Variants in DTNBP1 observed in about 807,000 individuals in gnomAD.
The protein encoded by DTNBP1 is dysbindin.
A neutral mutation model predicts 42.8 loss-of-function variants in DTNBP1; 35 were observed. The observed-to-expected ratio is 0.82, with a 90% CI of 0.63 to 1.09. The LOEUF (loss-of-function observed/expected upper bound fraction) is 1.09. Among genes scored for constraint, DTNBP1 ranks in the 50% least tolerant of loss-of-function variants. The probability of loss-of-function intolerance (pLI) is 0.00; values close to 1 mark genes in which losing one functional copy is unlikely to be tolerated. For missense variants in DTNBP1, 457 were observed against 424.2 expected (o/e 1.08, Z -0.68); for synonymous variants, 171 against 162.2 (o/e 1.05, Z -0.41).
chr6:15,524,976 T>C (rs1225209720), intron 8 of DTNBP1, among the ~76,000 whole-genome samples: 1 of 152,226 alleles, frequency 6.6e-6, no homozygotes, highest in African/African-American at 2.4e-5. Context: ...TCAGCCTGTC[T>C]CAAAGAGGCC....
intron 6 of DTNBP1, among the ~76,000 whole-genome samples, chr6:15,595,467 A>T (rs1193161272): frequency 6.6e-6 from 1 of 151,842 alleles, no homozygotes; most frequent in Non-Finnish European, 1.5e-5. Context: ...GGGTTTCACC[A>T]TGTTGGCCAG....
At chr6:15,661,766 T>A (rs955306512) in intron 1 of DTNBP1, among the ~76,000 whole-genome samples, 1 of 152,210 alleles carries the variant, frequency 6.6e-6, no homozygotes, top group East Asian at 1.9e-4. Context: ...CAAAGACAGA[T>A]CTTTTTCACT....
At position 15,533,662 on chromosome 6, in the gene DTNBP1, C is replaced by T. The variant is rs2127798419; in HGVS notation, c.512-267G>A. 6.7e-6 allele frequency: 4 copies of T among 596,980 alleles called. No individual in the cohort carries two copies. The East Asian group carries it at 1.5e-4, about 22-fold the overall frequency. 37.0% of individuals were successfully genotyped at this position (596,980 alleles called of 1,614,324 possible). ...TTTGCTGGAACGACCTTCCCACCCG[C>T]ATCGCCCATTCATCAGTCACAAACA... On this transcript the variant is annotated intron_variant, in intron 7 of 9. Coordinates refer to ENST00000344537, the MANE Select transcript of DTNBP1 (RefSeq NM_032122.5).
In DTNBP1 at chr6:15,531,522, A is replaced by G. The variant is rs745677510; in HGVS notation, c.667+1718T>C. On this transcript the variant is annotated intron_variant, in intron 8 of 9. Transcript: ENST00000344537. ...GTGCATTGGAAGGTAAACAAGCATC[A>G]TCCACACAACTAACTGACTGCATTC... Among the ~76,000 whole-genome samples, 5 of 152,234 alleles carry G rather than the reference A, an allele frequency of 3.3e-5. 1 individual carries two copies. Among genetic ancestry groups the G allele is most frequent in the Middle Eastern group, 6.3e-3 (2 of 316 alleles).
chr6:15,584,711 T>C (rs1175699804), intron 7 of DTNBP1, among the ~76,000 whole-genome samples: 4 of 146,272 alleles, frequency 2.7e-5, no homozygotes, highest in Non-Finnish European at 4.5e-5. Flanking sequence ...ATTTCTTTTT[T>C]TTTTTTTTTT....
At chr6:15,578,379 C>G (rs553889521) in intron 7 of DTNBP1, among the ~76,000 whole-genome samples, 129 of 152,298 alleles carry the variant, frequency 8.5e-4, no homozygotes, top group African/African-American at 2.9e-3. Context: ...GATTGCCAGC[C>G]TGGATGAAGG....
intron 3 of DTNBP1, among the ~76,000 whole-genome samples, chr6:15,647,113 G>C (rs1222686665): frequency 1.3e-5 from 2 of 151,828 alleles, no homozygotes; most frequent in African/African-American, 4.8e-5. Context: ...TCCATCAAAA[G>C]ACTAATATCC....
At chr6:15,591,391 G>A (rs985121554) in intron 7 of DTNBP1, among the ~76,000 whole-genome samples, 3 of 152,056 alleles carry the variant, frequency 2.0e-5, no homozygotes, top group East Asian at 1.9e-4. Context: ...GATTACAGGC[G>A]TGAGCTACCA....
intron 8 of DTNBP1, among the ~76,000 whole-genome samples, chr6:15,532,833 G>A (rs9367878): frequency 0.45 from 67,213 of 150,704 alleles, 15,927 homozygotes; most frequent in East Asian, 0.62. Flanking sequence ...CTGAGTAGCT[G>A]GGATTAGAGA....
Position 15,544,246 on chromosome 6 carries a change from T to C in DTNBP1, c.512-10851A>G, listed in dbSNP as rs141456753. Among the ~76,000 whole-genome samples the C allele has an allele frequency of 2.7e-3, 417 of 152,332 alleles. 1 individual carries two copies. The highest frequency in any genetic ancestry group is 4.8e-3 in the Non-Finnish European group (329 of 68,036). On this transcript the variant is annotated intron_variant, in intron 7 of 9. Coordinates refer to ENST00000344537, the MANE Select transcript of DTNBP1 (RefSeq NM_032122.5). ...GGTTTCTCCAAGCTACAGCACATAATAATCTGTTCCCTTTTATTATTGAGT... is the reference window on the plus strand; with the variant it reads ...GGTTTCTCCAAGCTACAGCACATAACAATCTGTTCCCTTTTATTATTGAGT...
chr6:15,560,378 C>T (rs1774778034), intron 7 of DTNBP1, among the ~76,000 whole-genome samples: 1 of 152,114 alleles, frequency 6.6e-6, no homozygotes, highest in African/African-American at 2.4e-5. Flanking sequence ...TACTTTTGCA[C>T]CAATTGGGTA....
intron 6 of DTNBP1, chr6:15,595,117 C>T (rs954915220): frequency 1.1e-5 from 5 of 456,460 alleles, no homozygotes; most frequent in South Asian, 4.6e-5. Context: ...CACAACTCCA[C>T]AACTGTCAGC....
In DTNBP1 at chr6:15,615,331, ACTGCCCACATAAGT is replaced by A; in HGVS notation, c.410_423del (p.Asp137ValfsTer2). The A allele has an allele frequency of 6.2e-7, 1 of 1,614,090 alleles. No individual in the cohort carries two copies. The highest frequency in any genetic ancestry group is 1.6e-4 in the Middle Eastern group (1 of 6,062). On this transcript the variant is annotated frameshift_variant, in exon 6 of 10. Coordinates refer to ENST00000344537, the MANE Select transcript of DTNBP1 (RefSeq NM_032122.5). LOFTEE classifies it high-confidence loss of function. ...ATATGTTTGCATCTTTCTAATTCAC[ACTGCCCACATAAGT>A]CTTCCAGATGCAGCAGGTTGTTCTC...
rs750687402 is a variant in DTNBP1 at position 15,523,121 on chromosome 6, C to T, written c.910G>A (p.Asp304Asn). 4.5e-5 allele frequency: 73 copies of T among 1,614,048 alleles called. No homozygotes were observed. The highest frequency in any genetic ancestry group is 6.7e-5 in the African/African-American group (5 of 74,922). ...KPPSSSSTCT[D>N]SATRDISEGG... is the part of the protein sequence containing the mutation. ...TCACTGATGTCCCGGGTGGCCGAGTCGGTGCAGGTGGAGGAAGAAGAAGGT... is the reference window on the plus strand; with the variant it reads ...TCACTGATGTCCCGGGTGGCCGAGTTGGTGCAGGTGGAGGAAGAAGAAGGT... The change falls in exon 10 of 10, where the codon GAC becomes AAC. Residue 304 changes from aspartate to asparagine, a missense_variant. Physicochemically the swap from Asp to Asn is conservative, Grantham distance 23 (BLOSUM62 1). Transcript: ENST00000344537.
At chr6:15,615,199 T>C in intron 6 of DTNBP1, 68 bp downstream of exon 6, 4 of 1,603,898 alleles carry the variant, frequency 2.5e-6, no homozygotes, top group Non-Finnish European at 3.4e-6. Context: ...TTCTAAAGAG[T>C]AGCATGTAAA....
intron 7 of DTNBP1, among the ~76,000 whole-genome samples, chr6:15,555,188 C>T (rs1445327540): frequency 1.3e-5 from 2 of 149,248 alleles, no homozygotes; most frequent in South Asian, 4.4e-4. Flanking sequence ...TACATAAATA[C>T]GCACACAAGA....
intron 9 of DTNBP1, 77 bp from the exon 10 acceptor site, chr6:15,523,296 A>G: frequency 6.3e-7 from 1 of 1,581,562 alleles, no homozygotes; most frequent in African/African-American, 1.3e-5. Context: ...CAGCTGTGGA[A>G]TGTGCCCGTC....
At chr6:15,613,862 C>T (rs557865288) in intron 6 of DTNBP1, among the ~76,000 whole-genome samples, 3 of 152,284 alleles carry the variant, frequency 2.0e-5, no homozygotes, top group South Asian at 4.1e-4. Flanking sequence ...CCCTGCCTGG[C>T]AGTCTCTCAA....
Position 15,627,334 on chromosome 6 carries a change from T to A in DTNBP1, c.355+9A>T. ...TAAAAGTAATGTACAATGAAAACAT[T>A]GGACTTACTCAGATTTGCTGTCATG... is the stretch of plus-strand genomic sequence containing the variant. On this transcript the variant is annotated intron_variant, in intron 5 of 9. Transcript: ENST00000344537. 1 of 1,612,990 alleles carries A rather than the reference T, an allele frequency of 6.2e-7. No homozygotes were observed.
Sources: gnomAD v4.1 joint callset for allele counts (sites outside exome capture counted in the v4.1 genomes callset) on GRCh38, gnomAD v4.1.1 for gene constraint, MANE v1.5 for transcripts, NCBI Gene and HGNC (gene_info 2026-07-23, HGNC 2026-07-21) for gene names.